Variants in ABCD3 observed in about 807,000 individuals in gnomAD.
ABCD3 encodes the protein ATP binding cassette subfamily D member 3, also known as ATP-binding cassette sub-family D member 3.
In ABCD3, 41 loss-of-function variants were observed where a neutral mutation model predicts 105.5. That is an observed-to-expected ratio of 0.39 (90% confidence interval 0.30 to 0.50). The LOEUF (loss-of-function observed/expected upper bound fraction) is 0.50, where lower values mean the gene tolerates loss of function less well. ABCD3 is among the 20% of genes least tolerant of loss of function. ABCD3 has a pLI of 0.84. For missense variants in ABCD3, 622 were observed against 806.3 expected, an observed-to-expected ratio of 0.77 and a Z score of 2.77; for synonymous variants, 258 against 269.0, an observed-to-expected ratio of 0.96 and a Z score of 0.40.
At chr1:94,387,484 C>T in the ABCD3 span, among the ~76,000 whole-genome samples, 1 of 152,174 alleles carries the variant, frequency 6.6e-6, no homozygotes, top group South Asian at 2.1e-4. Flanking sequence ...CCTTCTCATC[C>T]TTACCCCTTC....
chr1:94,500,513 T>C (rs1310697023), intron 20 of ABCD3, among the ~76,000 whole-genome samples: 1 of 152,156 alleles, frequency 6.6e-6, no homozygotes, highest in Non-Finnish European at 1.5e-5. Flanking sequence ...GGCAACTTCA[T>C]AAAGAGTCAT....
the ABCD3 span, among the ~76,000 whole-genome samples, chr1:94,391,431 C>A: frequency 6.6e-6 from 1 of 152,194 alleles, no homozygotes; most frequent in Non-Finnish European, 1.5e-5. Context: ...CATATTGAAT[C>A]CTACTCTAGC....
At chr1:94,499,752 G>T in intron 20 of ABCD3, 138 bp downstream of exon 20, 1 of 1,103,050 alleles carries the variant, frequency 9.1e-7, no homozygotes, top group Non-Finnish European at 1.3e-6. Context: ...TCATAAAAGT[G>T]CTTGAAAATC....
At chr1:94,500,066 T>G (rs1412991612) in intron 20 of ABCD3, among the ~76,000 whole-genome samples, 1 of 152,198 alleles carries the variant, frequency 6.6e-6, no homozygotes, top group Non-Finnish European at 1.5e-5. Context: ...GCCCTTTTCC[T>G]CCACTATTAT....
intron 1 of ABCD3, among the ~76,000 whole-genome samples, chr1:94,434,528 A>G (rs949989978): frequency 1.3e-5 from 2 of 152,152 alleles, no homozygotes; most frequent in African/African-American, 4.8e-5. Context: ...AATGTGTTGT[A>G]CTGCGGTATG....
At chr1:94,488,825 C>CTT (rs2101022353) in intron 13 of ABCD3, among the ~76,000 whole-genome samples, 1 of 150,810 alleles carries the variant, frequency 6.6e-6, no homozygotes, top group African/African-American at 2.4e-5. Context: ...TTCACTCTCT[C>CTT]TCTCTCTCTC....
At chr1:94,471,724 C>CG (rs1557677146) in intron 4 of ABCD3, among the ~76,000 whole-genome samples, 6 of 152,098 alleles carry the variant, frequency 3.9e-5, no homozygotes, top group African/African-American at 1.2e-4. Context: ...CATATATCTC[C>CG]ATCTCAGTAT....
At chr1:94,428,755 A>G (rs1360553911) in intron 1 of ABCD3, among the ~76,000 whole-genome samples, 15 of 151,984 alleles carry the variant, frequency 9.9e-5, no homozygotes, top group East Asian at 1.9e-4. Context: ...TGTGAGTCCA[A>G]TTGAACCTTT....
upstream of ABCD3, chr1:94,418,379 C>T: frequency 2.7e-6 from 3 of 1,105,690 alleles, no homozygotes; most frequent in Non-Finnish European, 3.9e-6. Context: ...GCCCCGCCCT[C>T]TGCTCTCCTC....
At chr1:94,392,661 T>C in the ABCD3 span, among the ~76,000 whole-genome samples, 11 of 152,032 alleles carry the variant, frequency 7.2e-5, no homozygotes, top group Admixed American at 5.9e-4. Context: ...ATGATGCGGG[T>C]TCAATGGAAG....
At chr1:94,473,569 G>T (rs571017407) in intron 4 of ABCD3, among the ~76,000 whole-genome samples, 197 bp from the exon 5 acceptor site, 1 of 152,138 alleles carries the variant, frequency 6.6e-6, no homozygotes, top group Admixed American at 6.6e-5. Context: ...GCAGGATGAG[G>T]TTCCAGCAAG....
chr1:94,399,267 A>G, the ABCD3 span, among the ~76,000 whole-genome samples: 1 of 152,248 alleles, frequency 6.6e-6, no homozygotes, highest in Non-Finnish European at 1.5e-5. Flanking sequence ...TATATTTTAT[A>G]ACTTTTTAGA....
rs1447673101 is a variant in ABCD3, at chr1:94,489,965, A to G, written c.1312A>G (p.Asn438Asp). Residue 438 changes from asparagine to aspartate, a missense_variant, in exon 15 of 23, where the codon AAC (asparagine) becomes GAC (aspartate). Asn to Asp is a conservative substitution (Grantham distance 23). This residue lies in a region of ABCD3 where 285 missense variants were observed against 352.5 expected (regional missense o/e 0.81). Transcript: ENST00000370214. ...PGAGEIIIAD[N>D]IIKFDHVPLA... ...TGCTGGAGAAATCATTATTGCAGAT[A>G]ACATTATAAAGTACGTACAGAAAAA... 3 of 1,612,974 alleles carry G rather than the reference A, an allele frequency of 1.9e-6. No individual in the cohort carries two copies. Among genetic ancestry groups the G allele is most frequent in the Non-Finnish European group, 1.7e-6 (2 of 1,179,128 alleles).
chr1:94,505,329 T>C (rs1262181202), intron 20 of ABCD3, among the ~76,000 whole-genome samples: 1 of 151,658 alleles, frequency 6.6e-6, no homozygotes, highest in Non-Finnish European at 1.5e-5. Flanking sequence ...CTTAGCCTCC[T>C]GAGTAGTTGG....
intron 4 of ABCD3, among the ~76,000 whole-genome samples, chr1:94,472,018 T>A (rs1648480632): frequency 6.6e-6 from 1 of 152,202 alleles, no homozygotes; most frequent in African/African-American, 2.4e-5. Context: ...TGCTGCTTTA[T>A]CTAATCATAA....
chr1:94,479,062 T>C (rs1570798448), intron 8 of ABCD3, among the ~76,000 whole-genome samples: 1 of 152,202 alleles, frequency 6.6e-6, no homozygotes, highest in Non-Finnish European at 1.5e-5. Flanking sequence ...TGCATTTCAG[T>C]TGATTAATAA....
intron 1 of ABCD3, among the ~76,000 whole-genome samples, chr1:94,422,178 C>T (rs1002723753): frequency 2.0e-5 from 3 of 152,142 alleles, no homozygotes; most frequent in Non-Finnish European, 4.4e-5. Context: ...TACTGTAGGC[C>T]AGGGGTCCCC....
the ABCD3 span, among the ~76,000 whole-genome samples, chr1:94,390,281 T>C: frequency 8.5e-3 from 1,297 of 152,142 alleles, 20 homozygotes; most frequent in African/African-American, 0.03. Flanking sequence ...CTCCTGCACT[T>C]ATTAATTTTT....
intron 3 of ABCD3, among the ~76,000 whole-genome samples, chr1:94,465,800 T>C (rs1233715756): frequency 2.6e-5 from 4 of 152,222 alleles, no homozygotes; most frequent in African/African-American, 9.6e-5. Context: ...TAAACATTTT[T>C]AATGATTATT....
Sources: allele counts gnomAD v4.1 joint callset (sites outside exome capture counted in the v4.1 genomes callset), GRCh38; gene constraint gnomAD v4.1.1; regional missense constraint gnomAD v4.1.1; transcripts MANE v1.5; gene names NCBI Gene and HGNC (gene_info 2026-07-23, HGNC 2026-07-21).